The following GPC3 variants were observed in gnomAD, a reference collection of about 807,000 sequenced individuals.
The protein encoded by GPC3 is glypican 3.
A neutral mutation model predicts 34.4 loss-of-function variants in GPC3; 3 were observed. The ratio of observed to expected loss-of-function variants is 0.09; its 90% CI spans 0.04 to 0.23. The LOEUF (loss-of-function observed/expected upper bound fraction) is 0.23, where lower values mean the gene tolerates loss of function less well. GPC3 is among the 10% of genes least tolerant of loss of function. GPC3 has a pLI of 1.00. For synonymous variants in GPC3, 177 were observed against 174.0 expected (o/e 1.02, Z -0.13); for missense variants, 351 against 445.6 (o/e 0.79, Z 1.91).
intron 7 of GPC3, among the ~76,000 whole-genome samples, chrX:133,558,368 G>C (rs1287928054): frequency 9.3e-6 from 1 of 107,785 alleles, no homozygotes; most frequent in East Asian, 2.9e-4. Context: ...AGGGCCCTGA[G>C]AACAGACTCA....
intron 2 of GPC3, among the ~76,000 whole-genome samples, chrX:133,810,879 A>T (rs2075661554): frequency 9.4e-6 from 1 of 106,731 alleles, no homozygotes; most frequent in Non-Finnish European, 1.9e-5. Context: ...AAAAAAAAAA[A>T]AGAAAGAGGC....
chrX:133,732,623 G>A (rs1051428198), intron 3 of GPC3, among the ~76,000 whole-genome samples: 12 of 111,384 alleles, frequency 1.1e-4, no homozygotes, highest in Middle Eastern at 4.6e-3. Flanking sequence ...GGAGAGATTA[G>A]GGCAGATATA....
At chrX:133,697,999 A>G (rs1453680064) in intron 4 of GPC3, among the ~76,000 whole-genome samples, 2 of 112,154 alleles carry the variant, frequency 1.8e-5, no homozygotes, top group Admixed American at 9.4e-5. Context: ...GGTGGAGGGA[A>G]CTGTGTGACT....
chrX:133,638,334 G>A (rs1214510863), intron 6 of GPC3, among the ~76,000 whole-genome samples: 1 of 111,423 alleles, frequency 9.0e-6, no homozygotes, highest in East Asian at 2.8e-4. Flanking sequence ...TTGTTCCCTC[G>A]CCTGCCAGTC....
intron 1 of GPC3, among the ~76,000 whole-genome samples, chrX:133,984,915 AATTCAT>A (rs2076559242): frequency 9.0e-6 from 1 of 110,982 alleles, no homozygotes; most frequent in Admixed American, 9.5e-5. Context: ...AAGGATGGCA[AATTCAT>A]GAGGCACCAG....
At chrX:133,811,469 T>G (rs748842004) in intron 2 of GPC3, among the ~76,000 whole-genome samples, 2 of 111,687 alleles carry the variant, frequency 1.8e-5, no homozygotes, top group East Asian at 2.8e-4. Context: ...CGGTTTTTGG[T>G]TTTTGGGTTT....
At position 133,706,469 on chromosome X, in the gene GPC3, T is replaced by C. The variant is rs188784412; in HGVS notation, c.1033-6441A>G. On this transcript the variant is annotated intron_variant, in intron 3 of 7. Coordinates refer to ENST00000370818, the MANE Select transcript of GPC3 (RefSeq NM_004484.4). ...AACTATGCATCTGACAAAAGCCTAA[T>C]ACCCAGAAGCTATAAGGAACTTAAA... Among the ~76,000 whole-genome samples, 9 of 111,349 alleles carry C rather than the reference T, an allele frequency of 8.1e-5. No individual in the cohort carries two copies. The East Asian group carries it at 2.6e-3, about 32-fold the overall frequency.
chrX:133,831,703 T>TCAAAA (rs751814226), intron 2 of GPC3, among the ~76,000 whole-genome samples: 8,015 of 110,439 alleles, frequency 0.073, 563 homozygotes, highest in African/African-American at 0.2. Flanking sequence ...GCACTCTGTC[T>TCAAAA]CAAAACAAAA....
intron 3 of GPC3, among the ~76,000 whole-genome samples, chrX:133,745,170 G>C (rs2071601777): frequency 8.9e-6 from 1 of 111,830 alleles, no homozygotes; most frequent in African/African-American, 3.3e-5. Context: ...TTAAAAAAAG[G>C]CATTGTTGGC....
At chrX:133,682,966 C>CAAA (rs751037276) in intron 5 of GPC3, among the ~76,000 whole-genome samples, 3 of 50,245 alleles carry the variant, frequency 6.0e-5, no homozygotes, top group African/African-American at 2.1e-4. Flanking sequence ...GACTCTGACT[C>CAAA]AAAAAAAAAA....
intron 7 of GPC3, among the ~76,000 whole-genome samples, chrX:133,580,375 A>T (rs2069721767): frequency 8.9e-6 from 1 of 111,896 alleles, no homozygotes; most frequent in Admixed American, 9.5e-5. Context: ...GAGCTGAAAG[A>T]AATGTGCATG....
At chrX:133,762,429 A>C (rs775990451) in intron 2 of GPC3, among the ~76,000 whole-genome samples, 2 of 112,325 alleles carry the variant, frequency 1.8e-5, no homozygotes, top group Non-Finnish European at 3.8e-5. Context: ...GTGAACAGAC[A>C]ACCTACAGAG....
At chrX:133,909,554 A>G (rs1400372648) in intron 2 of GPC3, among the ~76,000 whole-genome samples, 1 of 111,835 alleles carries the variant, frequency 8.9e-6, no homozygotes, top group African/African-American at 3.3e-5. Flanking sequence ...TAGATTCTCC[A>G]TATTTCAGAA....
intron 7 of GPC3, among the ~76,000 whole-genome samples, chrX:133,595,537 A>T (rs1387646012): frequency 9.1e-6 from 1 of 110,361 alleles, no homozygotes; most frequent in Non-Finnish European, 1.9e-5. Context: ...AGTTATTATT[A>T]TTTTTTTTAC....
At chrX:133,862,853 G>A (rs2124568631) in intron 2 of GPC3, among the ~76,000 whole-genome samples, 1 of 112,748 alleles carries the variant, frequency 8.9e-6, no homozygotes, top group African/African-American at 3.2e-5. Flanking sequence ...AGCACAACCT[G>A]TACAACTGCA....
chrX:133,626,858 A>G (rs2070303528), intron 6 of GPC3, among the ~76,000 whole-genome samples: 1 of 108,087 alleles, frequency 9.3e-6, no homozygotes, highest in Non-Finnish European at 1.9e-5. Context: ...ATAAAGACAC[A>G]TGCACACGTA....
intron 2 of GPC3, among the ~76,000 whole-genome samples, chrX:133,927,652 A>T (rs1901393402): frequency 9.2e-6 from 1 of 108,400 alleles, no homozygotes; most frequent in South Asian, 4.1e-4. Flanking sequence ...TAATTTTTGT[A>T]TTTTTTGTAG....
intron 2 of GPC3, among the ~76,000 whole-genome samples, chrX:133,755,390 G>A (rs1401520822): frequency 9.0e-6 from 1 of 111,653 alleles, no homozygotes; most frequent in African/African-American, 3.3e-5. Flanking sequence ...GCAGAAGTGA[G>A]CTCTAGGTTG....
At chrX:133,736,559 T>C (rs1048276591) in intron 3 of GPC3, among the ~76,000 whole-genome samples, 1 of 112,458 alleles carries the variant, frequency 8.9e-6, no homozygotes, top group African/African-American at 3.2e-5. Context: ...AGTAATGTGG[T>C]GATCCATGCT....
Sources: gnomAD v4.1 joint callset for allele counts (sites outside exome capture counted in the v4.1 genomes callset) on GRCh38, gnomAD v4.1.1 for gene constraint, MANE v1.5 for transcripts, NCBI Gene and HGNC (gene_info 2026-07-23, HGNC 2026-07-21) for gene names.